Variants in SHISA9 observed in about 807,000 individuals in gnomAD.
The protein encoded by SHISA9 is protein shisa-9.
In SHISA9, 13 loss-of-function variants were observed where a neutral mutation model predicts 38.0. That is an observed-to-expected ratio of 0.34 (90% CI 0.22 to 0.54). The LOEUF is 0.54. Ranked by LOEUF, SHISA9 falls within the 20% of genes least tolerant of loss-of-function variation. SHISA9 has a pLI of 0.91. For synonymous variants in SHISA9, 275 were observed against 242.0 expected, an observed-to-expected ratio of 1.14 and a Z score of -1.27; for missense variants, 538 against 575.8, an observed-to-expected ratio of 0.93 and a Z score of 0.67.
chr16:13,451,535 A>G, the SHISA9 span, among the ~76,000 whole-genome samples: 2 of 152,316 alleles, frequency 1.3e-5, no homozygotes, highest in African/African-American at 4.8e-5. Context: ...TTTAGATATA[A>G]TGGGCAGACC....
the SHISA9 span, among the ~76,000 whole-genome samples, chr16:13,373,898 G>C: frequency 6.6e-6 from 1 of 152,194 alleles, no homozygotes; most frequent in African/African-American, 2.4e-5. Flanking sequence ...ACGTTCATAT[G>C]GTCACAGGTT....
the SHISA9 span, among the ~76,000 whole-genome samples, chr16:13,537,751 A>T: frequency 0.074 from 11,240 of 152,244 alleles, 493 homozygotes; most frequent in East Asian, 0.15. Context: ...TATGTAAATT[A>T]TATCTCAGAA....
At chr16:13,259,180 A>G in the SHISA9 span, among the ~76,000 whole-genome samples, 2 of 152,226 alleles carry the variant, frequency 1.3e-5, no homozygotes, top group African/African-American at 2.4e-5. Flanking sequence ...TACAGGGCCC[A>G]TGCAAGTTCG....
At chr16:13,082,340 A>G (rs1383507527) in intron 2 of SHISA9, 1 of 152,198 alleles carries the variant, frequency 6.6e-6, no homozygotes, top group African/African-American at 2.4e-5. Context: ...GGCTTAATCT[A>G]GTAGTTTAAA....
chr16:13,514,591 C>T, the SHISA9 span, among the ~76,000 whole-genome samples: 1 of 151,968 alleles, frequency 6.6e-6, no homozygotes, highest in African/African-American at 2.4e-5. Flanking sequence ...GAAGATGAGA[C>T]ACTACAAAAG....
the SHISA9 span, among the ~76,000 whole-genome samples, chr16:13,458,995 G>A: frequency 6.6e-6 from 1 of 151,762 alleles, no homozygotes; most frequent in African/African-American, 2.4e-5. Context: ...GGCCTCCCAA[G>A]GCATGCACCA....
rs1191653527 is a variant in SHISA9, at chr16:13,140,085, TCTTCCCTTCC to T, written c.692-63261_692-63252del. Among the ~76,000 whole-genome samples the T allele has an allele frequency of 9.0e-4, 47 of 52,250 alleles. 2 individuals carry two copies. The highest frequency in any genetic ancestry group is 1.6e-3 in the East Asian group (2 of 1,232). 34.3% of individuals were successfully genotyped at this position (52,250 alleles called of 152,430 possible). A position where few individuals can be genotyped will look rare whatever the true frequency, so the allele number is the denominator to read the frequency against. ...TCTCCTCTCTTCTCCTTTCCTCTTC[TCTTCCCTTCC>T]CTTCCCTTCCCTTCCCTTCCCTTCC... is the stretch of plus-strand genomic sequence containing the variant. On this transcript the variant is annotated intron_variant, in intron 2 of 4. Coordinates refer to ENST00000558583, the MANE Select transcript of SHISA9 (RefSeq NM_001145204.3).
chr16:13,260,003 CTTTCTTTTTTTTTTTTTTTTT>C, the SHISA9 span, among the ~76,000 whole-genome samples: 2 of 59,390 alleles, frequency 3.4e-5, no homozygotes, highest in East Asian at 6.8e-4. Flanking sequence ...TCTTTTCTTT[CTTTCTTTTTTTTTTTTTTTTT>C]TTTTTTTTTT....
chr16:13,187,784 T>C (rs1392437129), intron 2 of SHISA9, among the ~76,000 whole-genome samples: 1 of 152,174 alleles, frequency 6.6e-6, no homozygotes, highest in Non-Finnish European at 1.5e-5. Context: ...CACCCTAACT[T>C]CAGTGGGGTT....
rs1330437907 is a variant in SHISA9, at chr16:12,902,268, G to A, written c.204G>A (p.Ala68=). The A allele has an allele frequency of 3.2e-6, 5 of 1,548,128 alleles. No individual in the cohort carries two copies. Among genetic ancestry groups the A allele is most frequent in the Non-Finnish European group, 4.4e-6 (5 of 1,146,828 alleles). ...CATCGGACGCGCCCCCGACCCGGGC[G>A]CCCACGCCGGACTTCTGCCGGGGCT... ...AEASDAPPTR[A]PTPDFCRGYF... The change falls in exon 1 of 5, where the codon GCG becomes GCA. Residue 68 remains alanine, a synonymous_variant. Transcript: ENST00000558583.
chr16:13,225,956 A>G (rs956889387), intron 4 of SHISA9, among the ~76,000 whole-genome samples: 1 of 152,200 alleles, frequency 6.6e-6, no homozygotes, highest in Non-Finnish European at 1.5e-5. Context: ...GGAGAGGGCC[A>G]GTGTTGTTGA....
the SHISA9 span, among the ~76,000 whole-genome samples, chr16:13,558,854 T>G: frequency 6.6e-6 from 1 of 152,228 alleles, no homozygotes; most frequent in East Asian, 1.9e-4. Context: ...AAGCTAGGAA[T>G]GTTTTCATCA....
the SHISA9 span, among the ~76,000 whole-genome samples, chr16:13,449,819 A>G: frequency 6.6e-6 from 1 of 152,118 alleles, no homozygotes; most frequent in Non-Finnish European, 1.5e-5. Flanking sequence ...TTTTCTACAA[A>G]GCTCTCCAAA....
chr16:13,500,002 A>T, the SHISA9 span, among the ~76,000 whole-genome samples: 1 of 152,170 alleles, frequency 6.6e-6, no homozygotes, highest in Non-Finnish European at 1.5e-5. Context: ...AAGCAAGCAA[A>T]TATAGCAGCG....
chr16:13,266,571 T>C, the SHISA9 span, among the ~76,000 whole-genome samples: 2 of 152,128 alleles, frequency 1.3e-5, no homozygotes, highest in Non-Finnish European at 2.9e-5. Flanking sequence ...TGTTTCCCAT[T>C]TGGAATTGCT....
the SHISA9 span, among the ~76,000 whole-genome samples, chr16:13,477,861 A>T: frequency 2.0e-4 from 30 of 152,278 alleles, no homozygotes; most frequent in Admixed American, 7.8e-4. Context: ...GCTACTTGGG[A>T]GGCTGAGGCA....
At chr16:13,191,612 C>T (rs1441341644) in intron 2 of SHISA9, among the ~76,000 whole-genome samples, 1 of 152,048 alleles carries the variant, frequency 6.6e-6, no homozygotes, top group Non-Finnish European at 1.5e-5. Flanking sequence ...TATAAGACAC[C>T]CAAAGATGCT....
chr16:13,093,723 C>T (rs931368886), intron 2 of SHISA9, among the ~76,000 whole-genome samples: 1 of 152,104 alleles, frequency 6.6e-6, no homozygotes, highest in Admixed American at 6.5e-5. Flanking sequence ...TATTTCGCTT[C>T]GTTGACCTCC....
chr16:12,949,692 CAT>C (rs768077385), intron 2 of SHISA9, among the ~76,000 whole-genome samples: 4 of 152,262 alleles, frequency 2.6e-5, no homozygotes, highest in African/African-American at 4.8e-5. Flanking sequence ...AAACATATGA[CAT>C]ATTAAAATTA....
Sources: gnomAD v4.1 joint callset for allele counts (sites outside exome capture counted in the v4.1 genomes callset) on GRCh38, gnomAD v4.1.1 for gene constraint, MANE v1.5 for transcripts, NCBI Gene and HGNC (gene_info 2026-07-23, HGNC 2026-07-21) for gene names.